ZMIZ1: variants seen among roughly 807,000 people sequenced by gnomAD.
The protein encoded by ZMIZ1 is zinc finger MIZ-type containing 1.
In ZMIZ1, 17 loss-of-function variants were observed where a neutral mutation model predicts 113.9. That is an observed-to-expected ratio of 0.15 (90% CI 0.10 to 0.22). The LOEUF (loss-of-function observed/expected upper bound fraction) is 0.22, where lower values mean the gene tolerates loss of function less well. Ranked by LOEUF, ZMIZ1 falls within the 10% of genes least tolerant of loss-of-function variation. The pLI is 1.00. For synonymous variants in ZMIZ1, 607 were observed against 603.1 expected, an observed-to-expected ratio of 1.01 and a Z score of -0.09; for missense variants, 1,059 against 1,477.8, an observed-to-expected ratio of 0.72 and a Z score of 4.65.
At chr10:79,184,773 G>A (rs1239687652) in intron 4 of ZMIZ1, among the ~76,000 whole-genome samples, 1 of 152,224 alleles carries the variant, frequency 6.6e-6, no homozygotes, top group Non-Finnish European at 1.5e-5. Context: ...TTCTGATCCA[G>A]TTCCCCTGTG....
intron 4 of ZMIZ1, among the ~76,000 whole-genome samples, chr10:79,170,853 C>A (rs1231480348): frequency 2.0e-5 from 3 of 152,142 alleles, no homozygotes; most frequent in Non-Finnish European, 4.4e-5. Flanking sequence ...CCCATGCGGC[C>A]CACCATGCCT....
intron 7 of ZMIZ1, among the ~76,000 whole-genome samples, chr10:79,253,487 T>C (rs998211529): frequency 1.3e-5 from 2 of 152,290 alleles, no homozygotes; most frequent in Admixed American, 1.3e-4. Context: ...TTGGATTGTC[T>C]TGGGCGTTTC....
intron 6 of ZMIZ1, among the ~76,000 whole-genome samples, chr10:79,211,424 C>T (rs1042504739): frequency 1.3e-5 from 2 of 151,902 alleles, no homozygotes; most frequent in African/African-American, 4.8e-5. Flanking sequence ...GACAGCTGTC[C>T]CCTCCCCACA....
At chr10:79,242,484 C>G (rs544075956) in intron 7 of ZMIZ1, among the ~76,000 whole-genome samples, 40 of 152,298 alleles carry the variant, frequency 2.6e-4, no homozygotes, top group Admixed American at 1.8e-3. Context: ...TTCTCCACCC[C>G]GTAGCCCGTT....
At chr10:79,289,739 C>A (rs1406491861) in intron 8 of ZMIZ1, 36 bp from the exon 9 acceptor site, 1 of 1,592,530 alleles carries the variant, frequency 6.3e-7, no homozygotes. Context: ...CTGTGCCTGC[C>A]AGGCCCTGAA....
At chr10:79,189,785 C>A (rs1221896637) in intron 4 of ZMIZ1, among the ~76,000 whole-genome samples, 1 of 152,208 alleles carries the variant, frequency 6.6e-6, no homozygotes, top group African/African-American at 2.4e-5. Flanking sequence ...ATTTTTGTCT[C>A]TGTTGGTTTT....
intron 7 of ZMIZ1, among the ~76,000 whole-genome samples, chr10:79,259,302 G>T (rs11002897): frequency 1.3e-5 from 2 of 152,014 alleles, no homozygotes; most frequent in Middle Eastern, 3.4e-3. Flanking sequence ...AGAAGAGAGA[G>T]GAGGCCAGAC....
rs142326954 is a variant in ZMIZ1, at chr10:79,229,461, TG to T, written c.280+13191del. On this transcript the variant is annotated intron_variant, in intron 7 of 24. Transcript: ENST00000334512. ...GGCTGGCCAGGTGAGAAACACTGCC[TG>T]GGGCTGGACTCCTGTAGGGAATTCC... Among the ~76,000 whole-genome samples the T allele has an allele frequency of 6.7e-3, 1,013 of 152,308 alleles. 10 individuals carry two copies. The highest frequency in any genetic ancestry group is 0.023 in the African/African-American group (945 of 41,560).
At chr10:79,218,359 C>T (rs186184044) in intron 7 of ZMIZ1, among the ~76,000 whole-genome samples, 24 of 152,090 alleles carry the variant, frequency 1.6e-4, no homozygotes, top group African/African-American at 4.8e-4. Context: ...CCTGTGGTCC[C>T]AGCTGCTTGG....
At chr10:79,284,501 C>G (rs1038723839) in intron 8 of ZMIZ1, among the ~76,000 whole-genome samples, 1 of 152,184 alleles carries the variant, frequency 6.6e-6, no homozygotes, top group African/African-American at 2.4e-5. Context: ...TTGAAAAATT[C>G]CTAGGCCACT....
At chr10:79,225,389 G>A (rs1849159773) in intron 7 of ZMIZ1, among the ~76,000 whole-genome samples, 1 of 152,122 alleles carries the variant, frequency 6.6e-6, no homozygotes. Context: ...TTTAGCTACA[G>A]GTGACTGCTC....
Position 79,300,799 on chromosome 10 carries a change from G to A in ZMIZ1, c.1876G>A (p.Ala626Thr), listed in dbSNP as rs541477708. The change falls in exon 17 of 25, where the codon GCC (alanine) becomes ACC (threonine). Residue 626 changes from alanine to threonine, a missense_variant. Ala to Thr is a moderately conservative substitution (Grantham distance 58). Transcript: ENST00000334512. ...CCGGCAGATGAACACCAACTGGCCCGCCTCGGTGCAGGTCAGCGTGAACGC... is the reference window on the plus strand; with the variant it reads ...CCGGCAGATGAACACCAACTGGCCCACCTCGGTGCAGGTCAGCGTGAACGC... ...EDRQMNTNWP[A>T]SVQVSVNATP... is the part of the protein sequence containing the mutation. The A allele has an allele frequency of 2.5e-5, 40 of 1,613,938 alleles. No individual in the cohort carries two copies. Among genetic ancestry groups the A allele is most frequent in the Non-Finnish European group, 1.3e-5 (15 of 1,180,012 alleles).
intron 2 of ZMIZ1, among the ~76,000 whole-genome samples, chr10:79,119,622 T>C (rs78861885): frequency 6.6e-6 from 1 of 152,218 alleles, no homozygotes; most frequent in Non-Finnish European, 1.5e-5. Flanking sequence ...GCTCCTAGCT[T>C]CTTTTTGGGG....
At chr10:79,187,764 C>T (rs1847408101) in intron 4 of ZMIZ1, among the ~76,000 whole-genome samples, 1 of 152,222 alleles carries the variant, frequency 6.6e-6, no homozygotes, top group African/African-American at 2.4e-5. Context: ...AGGCTGAGCA[C>T]AGGCGGTGCA....
intron 3 of ZMIZ1, among the ~76,000 whole-genome samples, chr10:79,142,293 G>T (rs1452842312): frequency 2.0e-5 from 3 of 152,208 alleles, no homozygotes; most frequent in African/African-American, 7.2e-5. Context: ...ATATAAATTT[G>T]GGAGTTGTCG....
chr10:79,305,637 G>T, intron 21 of ZMIZ1, 36 bp downstream of exon 21: 1 of 1,604,038 alleles, frequency 6.2e-7, no homozygotes. Flanking sequence ...GGGGGTGGGA[G>T]GGGACGAGGC....
chr10:79,265,427 C>T (rs1434568692), intron 7 of ZMIZ1, among the ~76,000 whole-genome samples: 1 of 151,392 alleles, frequency 6.6e-6, no homozygotes, highest in Admixed American at 6.6e-5. Context: ...CAGGGTCACT[C>T]GCAGCCCAAG....
intron 2 of ZMIZ1, among the ~76,000 whole-genome samples, chr10:79,127,174 A>G (rs953285695): frequency 6.6e-6 from 1 of 152,186 alleles, no homozygotes; most frequent in African/African-American, 2.4e-5. Context: ...ACCCTGATGC[A>G]GAGGAAATGC....
chr10:79,155,657 G>C (rs1369007046), intron 3 of ZMIZ1, among the ~76,000 whole-genome samples: 3 of 152,244 alleles, frequency 2.0e-5, no homozygotes, highest in Non-Finnish European at 4.4e-5. Context: ...TGTCCCTCCA[G>C]CTTGGCCCTG....
Sources: allele counts gnomAD v4.1 joint callset (sites outside exome capture counted in the v4.1 genomes callset), GRCh38; gene constraint gnomAD v4.1.1; transcripts MANE v1.5; gene names NCBI Gene and HGNC (gene_info 2026-07-23, HGNC 2026-07-21).